Variants in DLGAP1 observed in about 807,000 individuals in gnomAD.
DLGAP1 encodes DLG associated protein 1.
Under a neutral mutation model 90.8 loss-of-function variants are expected in DLGAP1, and 11 were observed. That is an observed-to-expected ratio of 0.12 (90% confidence interval 0.08 to 0.20). DLGAP1 has a LOEUF of 0.20. Ranked by LOEUF, DLGAP1 falls within the 10% of genes least tolerant of loss-of-function variation. DLGAP1 has a pLI of 1.00. For synonymous variants in DLGAP1, 558 were observed against 540.7 expected, an observed-to-expected ratio of 1.03 and a Z score of -0.44; for missense variants, 1,050 against 1,333.8, an observed-to-expected ratio of 0.79 and a Z score of 3.31.
chr18:4,356,034 G>A (rs1438782806), intron 1 of DLGAP1, among the ~76,000 whole-genome samples: 1 of 151,640 alleles, frequency 6.6e-6, no homozygotes, highest in Non-Finnish European at 1.5e-5. Context: ...TTCCTGTCTA[G>A]GGGTCAGCTA....
chr18:4,386,125 G>C (rs1368562346), intron 1 of DLGAP1, among the ~76,000 whole-genome samples: 1 of 152,050 alleles, frequency 6.6e-6, no homozygotes, highest in South Asian at 2.1e-4. Context: ...CTGGGGAAGG[G>C]GGTGGCTACA....
chr18:3,977,779 T>G, intron 3 of DLGAP1: 1 of 360,880 alleles, frequency 2.8e-6, no homozygotes, highest in Admixed American at 3.4e-5. Flanking sequence ...GGTGGAAGAG[T>G]GGGTGATGCT....
chr18:3,524,159 C>T (rs555440116), intron 10 of DLGAP1, among the ~76,000 whole-genome samples: 1 of 151,974 alleles, frequency 6.6e-6, no homozygotes, highest in African/African-American at 2.4e-5. Flanking sequence ...TCTGTGGTCC[C>T]AGCTACTCAG....
chr18:4,428,301 C>A (rs749127221), intron 1 of DLGAP1, among the ~76,000 whole-genome samples: 2 of 152,050 alleles, frequency 1.3e-5, no homozygotes, highest in Non-Finnish European at 2.9e-5. Flanking sequence ...GTAGCTGGGG[C>A]CAGGTATGGT....
rs548314767 is a variant in DLGAP1, at chr18:3,698,928, C to T, written c.1591+30207G>A. ...TCTGATATCCTTTCTTCCGCTTGAT[C>T]GATTTGGCTATTGATACTTGTGTAT... On this transcript the variant is annotated intron_variant, in intron 7 of 12. Transcript: ENST00000315677. Among the ~76,000 whole-genome samples the T allele has an allele frequency of 2.8e-3, 422 of 152,038 alleles. 1 individual carries two copies. Among genetic ancestry groups the T allele is most frequent in the Non-Finnish European group, 4.1e-3 (279 of 67,996 alleles).
Position 3,497,596 on chromosome 18 carries a change from A to T in DLGAP1, c.*1589T>A, listed in dbSNP as rs1398297654. ...TATTTTAAAAAGCTTCTCTGGTGCA[A>T]GCATGTTTGATGTATGTTTTTAAAA... On this transcript the variant is annotated 3_prime_UTR_variant, in exon 13 of 13. Transcript: ENST00000315677. 1 of 152,234 alleles carries T rather than the reference A, an allele frequency of 6.6e-6. No individual in the cohort carries two copies. The highest frequency in any genetic ancestry group is 1.5e-5 in the Non-Finnish European group (1 of 68,040). The allele number at this position is 152,234 out of a possible 1,614,324, so 9.4% of individuals were successfully genotyped here. A position where few individuals can be genotyped will look rare whatever the true frequency, so the allele number is the denominator to read the frequency against.
At chr18:4,292,587 T>C (rs2079877740) in intron 1 of DLGAP1, among the ~76,000 whole-genome samples, 1 of 152,198 alleles carries the variant, frequency 6.6e-6, no homozygotes, top group Admixed American at 6.5e-5. Context: ...AAATTATCTA[T>C]TACAAAGATT....
chr18:3,955,188 G>C (rs1295647089), intron 3 of DLGAP1, among the ~76,000 whole-genome samples: 1 of 152,128 alleles, frequency 6.6e-6, no homozygotes, highest in East Asian at 1.9e-4. Context: ...TGGGGCAATG[G>C]GTAGTGTGCT....
At chr18:4,104,529 A>G (rs2075828669) in intron 2 of DLGAP1, among the ~76,000 whole-genome samples, 1 of 152,152 alleles carries the variant, frequency 6.6e-6, no homozygotes, top group African/African-American at 2.4e-5. Flanking sequence ...TTAGTTTAAG[A>G]AATCAGGTTT....
chr18:4,091,840 C>T (rs969466491), intron 2 of DLGAP1, among the ~76,000 whole-genome samples: 3 of 151,920 alleles, frequency 2.0e-5, no homozygotes, highest in Non-Finnish European at 2.9e-5. Context: ...TTGATAGTTC[C>T]AATATCTAGG....
intron 1 of DLGAP1, among the ~76,000 whole-genome samples, chr18:4,278,079 T>G (rs986324229): frequency 2.0e-5 from 3 of 152,072 alleles, no homozygotes; most frequent in Admixed American, 2.0e-4. Flanking sequence ...TTATTTTTAT[T>G]GTTGTTGTTT....
intron 8 of DLGAP1, among the ~76,000 whole-genome samples, chr18:3,571,778 G>A (rs901065939): frequency 2.0e-5 from 3 of 152,030 alleles, no homozygotes; most frequent in Non-Finnish European, 2.9e-5. Flanking sequence ...CGCCCGCCTC[G>A]GCCTCCCAAA....
In DLGAP1 at chr18:3,618,941, A is replaced by G. The variant is rs2057994686; in HGVS notation, c.1592-36693T>C. Among the ~76,000 whole-genome samples, 3 of 149,790 alleles carry G rather than the reference A, an allele frequency of 2.0e-5. No individual in the cohort carries two copies. The South Asian group carries it at 6.3e-4, about 31-fold the overall frequency. On this transcript the variant is annotated intron_variant, in intron 7 of 12. Transcript: ENST00000315677. ...GTGACTGAGCGAGACTCCGTCTCAA[A>G]AAAAAAAAAAAGAGATGATTAAGTT...
At chr18:3,865,776 C>A (rs865873213) in intron 4 of DLGAP1, among the ~76,000 whole-genome samples, 2 of 152,174 alleles carry the variant, frequency 1.3e-5, no homozygotes, top group African/African-American at 4.8e-5. Flanking sequence ...GTCAGAACGG[C>A]TACCCCAGAA....
intron 9 of DLGAP1, among the ~76,000 whole-genome samples, chr18:3,543,780 G>C (rs536861488): frequency 3.3e-5 from 5 of 152,192 alleles, no homozygotes; most frequent in Non-Finnish European, 7.3e-5. Flanking sequence ...GGTCCCCATG[G>C]GGAGTCGGCA....
At chr18:3,726,223 T>C (rs2062172529) in intron 7 of DLGAP1, among the ~76,000 whole-genome samples, 1 of 152,198 alleles carries the variant, frequency 6.6e-6, no homozygotes, top group Non-Finnish European at 1.5e-5. Flanking sequence ...ATCTGACCCG[T>C]GCATGTGGGG....
intron 5 of DLGAP1, among the ~76,000 whole-genome samples, chr18:3,772,812 A>T (rs1598688041): frequency 6.6e-6 from 1 of 152,214 alleles, no homozygotes; most frequent in East Asian, 1.9e-4. Context: ...CTAAATTAGC[A>T]TCTGCATTGT....
At chr18:4,170,537 G>A (rs114447753) in intron 1 of DLGAP1, among the ~76,000 whole-genome samples, 4,068 of 152,102 alleles carry the variant, frequency 0.027, 156 homozygotes, top group African/African-American at 0.087. Context: ...GAGATTTAAC[G>A]GAGTTTAGCA....
intron 1 of DLGAP1, among the ~76,000 whole-genome samples, chr18:4,175,196 C>G (rs2077086824): frequency 6.6e-6 from 1 of 151,986 alleles, no homozygotes. Flanking sequence ...TTTTTTCATA[C>G]ATTTCTTGCA....
Sources: gnomAD v4.1 joint callset for allele counts (sites outside exome capture counted in the v4.1 genomes callset) on GRCh38, gnomAD v4.1.1 for gene constraint, MANE v1.5 for transcripts, NCBI Gene and HGNC (gene_info 2026-07-23, HGNC 2026-07-21) for gene names.